Variants in PLCB1 observed in about 807,000 individuals in gnomAD.
PLCB1 encodes phospholipase C beta 1, also known as 1-phosphatidylinositol 4,5-bisphosphate phosphodiesterase beta-1.
A neutral mutation model predicts 161.8 loss-of-function variants in PLCB1; 46 were observed. The observed-to-expected ratio is 0.28, with a 90% CI of 0.22 to 0.36. PLCB1 has a LOEUF of 0.36. PLCB1 is among the 10% of genes least tolerant of loss of function. PLCB1 has a pLI of 1.00. For missense variants in PLCB1, 1,016 were observed against 1,472.5 expected (o/e 0.69, Z 5.07); for synonymous variants, 517 against 503.7 (o/e 1.03, Z -0.35).
At chr20:8,516,709 A>C (rs1191435610) in intron 3 of PLCB1, among the ~76,000 whole-genome samples, 2 of 70,972 alleles carry the variant, frequency 2.8e-5, no homozygotes, top group Non-Finnish European at 6.1e-5. Context: ...ATATATATAT[A>C]TGTATTCCAT....
intron 1 of PLCB1, among the ~76,000 whole-genome samples, chr20:8,139,081 G>GTTTTTTTTTTTT (rs71329695): frequency 1.3e-4 from 12 of 91,630 alleles, no homozygotes; most frequent in Admixed American, 1.7e-4. Flanking sequence ...TATTTCAAGG[G>GTTTTTTTTTTTT]TTTTTTTTTT....
intron 2 of PLCB1, among the ~76,000 whole-genome samples, chr20:8,170,176 G>C (rs1035764166): frequency 3.9e-5 from 6 of 152,030 alleles, no homozygotes; most frequent in Non-Finnish European, 5.9e-5. Context: ...CTCTAGTTGG[G>C]GAAACCTACC....
intron 2 of PLCB1, among the ~76,000 whole-genome samples, chr20:8,360,605 T>C (rs1019834691): frequency 6.6e-6 from 1 of 152,192 alleles, no homozygotes; most frequent in African/African-American, 2.4e-5. Context: ...TCAGTGAATG[T>C]TCTTCTCAGG....
intron 3 of PLCB1, among the ~76,000 whole-genome samples, chr20:8,567,666 A>G (rs1458899247): frequency 6.6e-6 from 1 of 152,138 alleles, no homozygotes; most frequent in Non-Finnish European, 1.5e-5. Flanking sequence ...ATTGCTGATC[A>G]GTAGTGGGAT....
chr20:8,774,490 C>A, intron 26 of PLCB1, 49 bp from the exon 27 acceptor site: 1 of 1,506,982 alleles, frequency 6.6e-7, no homozygotes, highest in East Asian at 2.3e-5. Context: ...CTTCCCTCCA[C>A]CTTGTTATGG....
chr20:8,499,690 A>G (rs116578259), intron 3 of PLCB1, among the ~76,000 whole-genome samples: 234 of 152,338 alleles, frequency 1.5e-3, no homozygotes, highest in African/African-American at 5.5e-3. Context: ...GACATTTGTA[A>G]TAAGTGAATA....
At chr20:8,797,255 A>AT (rs1359687147) in intron 31 of PLCB1, among the ~76,000 whole-genome samples, 1 of 151,498 alleles carries the variant, frequency 6.6e-6, no homozygotes, top group African/African-American at 2.4e-5. Flanking sequence ...AGCATTTAGT[A>AT]TTTTTTTCTT....
At chr20:8,297,361 AAATGAATTTACAC>A (rs1478514166) in intron 2 of PLCB1, among the ~76,000 whole-genome samples, 19 of 152,168 alleles carry the variant, frequency 1.2e-4, no homozygotes, top group African/African-American at 4.6e-4. Flanking sequence ...TCTGTAGAAA[AAATGAATTTACAC>A]TCAAAAAAGT....
intron 11 of PLCB1, 79 bp downstream of exon 11, chr20:8,697,862 G>A: frequency 7.8e-7 from 1 of 1,279,224 alleles, no homozygotes; most frequent in Non-Finnish European, 1.1e-6. Flanking sequence ...AAGGTAGAAA[G>A]TCCCAGTGGT....
chr20:8,735,766 C>T (rs527440932), intron 19 of PLCB1, among the ~76,000 whole-genome samples: 1 of 152,328 alleles, frequency 6.6e-6, no homozygotes, highest in South Asian at 2.1e-4. Context: ...ATAGTTCTCA[C>T]ATAGAACCTC....
intron 4 of PLCB1, among the ~76,000 whole-genome samples, chr20:8,629,885 CTTTCTT>C (rs1336745943): frequency 1.2e-4 from 14 of 114,040 alleles, no homozygotes; most frequent in Admixed American, 4.8e-4. Flanking sequence ...TTCTCTCTCT[CTTTCTT>C]TTCTTTCTTT....
At chr20:8,365,380 G>C (rs1313029566) in intron 2 of PLCB1, among the ~76,000 whole-genome samples, 3 of 152,128 alleles carry the variant, frequency 2.0e-5, no homozygotes, top group African/African-American at 7.2e-5. Flanking sequence ...GGTTCTTATT[G>C]ATGACCTATA....
At chr20:8,766,900 CTT>C (rs1476770922) in intron 26 of PLCB1, among the ~76,000 whole-genome samples, 1 of 152,120 alleles carries the variant, frequency 6.6e-6, no homozygotes, top group African/African-American at 2.4e-5. Context: ...AGTTAGGAAA[CTT>C]TTTCATGAGT....
At chr20:8,351,325 CA>C (rs1986169932) in intron 2 of PLCB1, among the ~76,000 whole-genome samples, 1 of 151,158 alleles carries the variant, frequency 6.6e-6, no homozygotes, top group African/African-American at 2.4e-5. Context: ...TCATACTTTA[CA>C]AAAAAAATTA....
intron 3 of PLCB1, among the ~76,000 whole-genome samples, chr20:8,509,711 A>T (rs540251543): frequency 1.5e-4 from 22 of 150,750 alleles, no homozygotes; most frequent in African/African-American, 5.4e-4. Flanking sequence ...CAGATGATTG[A>T]TAAAGAGATA....
At position 8,646,058 on chromosome 20, in the gene PLCB1, T is replaced by C. The variant is rs533297134; in HGVS notation, c.385-44T>C. ...AAGCTAAAAGCATGTGTCTAATGACTGTGCAGTATTTAAGCTAATGCAAGT... is the reference window on the plus strand; with the variant it reads ...AAGCTAAAAGCATGTGTCTAATGACCGTGCAGTATTTAAGCTAATGCAAGT... On this transcript the variant is annotated intron_variant, in intron 4 of 31. Transcript: ENST00000338037. The C allele has an allele frequency of 1.2e-5, 15 of 1,220,630 alleles. No homozygotes were observed. The South Asian group carries it at 1.7e-4, about 14-fold the overall frequency. 75.6% of individuals were successfully genotyped at this position (1,220,630 alleles called of 1,614,324 possible).
chr20:8,299,890 C>T (rs1366900329), intron 2 of PLCB1, among the ~76,000 whole-genome samples: 2 of 152,192 alleles, frequency 1.3e-5, no homozygotes, highest in East Asian at 3.8e-4. Context: ...TAACTTGGCT[C>T]ACTGCTCCTC....
intron 3 of PLCB1, among the ~76,000 whole-genome samples, chr20:8,546,313 CAAAAAAAAAAAA>C (rs369485988): frequency 7.4e-4 from 76 of 102,924 alleles, no homozygotes; most frequent in African/African-American, 2.1e-3. Context: ...GACTCTATCT[CAAAAAAAAAAAA>C]AAAAAAAAAA....
At chr20:8,300,563 T>C (rs111910773) in intron 2 of PLCB1, among the ~76,000 whole-genome samples, 21,530 of 152,162 alleles carry the variant, frequency 0.14, 1,827 homozygotes, top group East Asian at 0.29. Flanking sequence ...TATTATACTT[T>C]AAGTTTTAGG....
Sources: allele counts gnomAD v4.1 joint callset (sites outside exome capture counted in the v4.1 genomes callset), GRCh38; gene constraint gnomAD v4.1.1; transcripts MANE v1.5; gene names NCBI Gene and HGNC (gene_info 2026-07-23, HGNC 2026-07-21).